The following GLT1D1 variants were observed in gnomAD, a reference collection of about 807,000 sequenced individuals.
The protein encoded by GLT1D1 is glycosyltransferase 1 domain containing 1.
A neutral mutation model predicts 28.7 loss-of-function variants in GLT1D1; 21 were observed. The ratio of observed to expected loss-of-function variants is 0.73; its 90% CI spans 0.52 to 1.05. GLT1D1 has a LOEUF of 1.05. GLT1D1 is among the 50% of genes least tolerant of loss of function. The probability of loss-of-function intolerance (pLI) is 0.00; values close to 1 mark genes in which losing one functional copy is unlikely to be tolerated. For missense variants in GLT1D1, 343 were observed against 330.6 expected (o/e 1.04, Z -0.29); for synonymous variants, 147 against 124.8 (o/e 1.18, Z -1.19).
chr12:128,979,140 G>A (rs1159355514), intron 7 of GLT1D1, among the ~76,000 whole-genome samples: 4 of 152,198 alleles, frequency 2.6e-5, no homozygotes, highest in East Asian at 1.9e-4. Flanking sequence ...TGGTTCAAAC[G>A]CCTCTGACAA....
chr12:128,961,561 A>G (rs1877946710), intron 7 of GLT1D1, among the ~76,000 whole-genome samples: 1 of 152,216 alleles, frequency 6.6e-6, no homozygotes, highest in South Asian at 2.1e-4. Context: ...ACGGTAGGCA[A>G]AGAACGATGA....
At chr12:128,914,846 A>G in intron 4 of GLT1D1, 87 bp from the exon 6 acceptor site, 2 of 893,286 alleles carry the variant, frequency 2.2e-6, no homozygotes, top group Non-Finnish European at 3.5e-6. Context: ...TAGTAATAAT[A>G]ATAATAAGCC....
At chr12:128,982,210 C>T (rs1880383100) in intron 7 of GLT1D1, among the ~76,000 whole-genome samples, 1 of 152,108 alleles carries the variant, frequency 6.6e-6, no homozygotes, top group Non-Finnish European at 1.5e-5. Context: ...CCCCTCCCTC[C>T]CTTCTTCATG....
At chr12:128,873,080 G>A (rs1181719681) in intron 1 of GLT1D1, among the ~76,000 whole-genome samples, 1 of 152,006 alleles carries the variant, frequency 6.6e-6, no homozygotes, top group Non-Finnish European at 1.5e-5. Context: ...ATTTTTTGTA[G>A]AGACAGAGTT....
chr12:128,947,239 A>T (rs896373669), intron 5 of GLT1D1, 99 bp from the exon 10 acceptor site: 1 of 1,370,408 alleles, frequency 7.3e-7, no homozygotes. Flanking sequence ...TTACTTGCTG[A>T]TCTAGAGTAT....
Position 128,983,213 on chromosome 12 carries a change from G to A in GLT1D1, c.*123G>A. On this transcript the variant is annotated 3_prime_UTR_variant, in exon 8 of 8. Transcript: ENST00000281703. The surrounding 1 kb of genome is among the most constrained non-coding windows in gnomAD (Gnocchi z 4.7). ...TAAAACCAGCCTCAGCGGAATCCTA[G>A]AAAATGTTAGTCGTGAGTCCCCAGA... The A allele has an allele frequency of 1.2e-6, 1 of 852,638 alleles. No homozygotes were observed. Among genetic ancestry groups the A allele is most frequent in the Non-Finnish European group, 1.8e-6 (1 of 542,484 alleles). 52.8% of individuals were successfully genotyped at this position (852,638 alleles called of 1,614,324 possible). A position where few individuals can be genotyped will look rare whatever the true frequency, so the allele number is the denominator to read the frequency against.
intron 4 of GLT1D1, among the ~76,000 whole-genome samples, chr12:128,922,838 G>A (rs909218948): frequency 2.7e-5 from 4 of 145,986 alleles, no homozygotes; most frequent in East Asian, 4.1e-4. Flanking sequence ...CAGGAGAATC[G>A]CTTGAACCCA....
chr12:128,861,048 C>T (rs1273389583), intron 1 of GLT1D1, among the ~76,000 whole-genome samples: 9 of 150,826 alleles, frequency 6.0e-5, no homozygotes, highest in South Asian at 2.1e-4. Context: ...ATATTCACGC[C>T]GAGAGTAAGT....
At chr12:128,866,084 T>C (rs1332136946) in intron 1 of GLT1D1, among the ~76,000 whole-genome samples, 1 of 150,936 alleles carries the variant, frequency 6.6e-6, no homozygotes, top group Non-Finnish European at 1.5e-5. Context: ...TTTTTTTTTT[T>C]TGAGACAGAG....
At chr12:128,971,231 G>C (rs1220466237) in intron 7 of GLT1D1, among the ~76,000 whole-genome samples, 1 of 152,140 alleles carries the variant, frequency 6.6e-6, no homozygotes, top group Admixed American at 6.5e-5. Flanking sequence ...ACTCCTGCCT[G>C]GGTGCTTAGA....
At chr12:128,875,357 T>A (rs1956846394) in intron 1 of GLT1D1, among the ~76,000 whole-genome samples, 2 of 152,216 alleles carry the variant, frequency 1.3e-5, no homozygotes, top group African/African-American at 4.8e-5. Flanking sequence ...TCCAATGGCC[T>A]CGGTTCCAGC....
intron 7 of GLT1D1, among the ~76,000 whole-genome samples, chr12:128,958,622 T>G (rs1170147941): frequency 7.0e-6 from 1 of 142,550 alleles, no homozygotes; most frequent in Non-Finnish European, 1.5e-5. Context: ...GAATGGTGCA[T>G]GCCTGTAATT....
rs1354130200 is a variant in GLT1D1 at position 128,877,623 on chromosome 12, C to T, written c.217+1561C>T. Among the ~76,000 whole-genome samples, 3 of 152,124 alleles carry T rather than the reference C, an allele frequency of 2.0e-5. No individual in the cohort carries two copies. The East Asian group carries it at 5.8e-4, about 29-fold the overall frequency. On this transcript the variant is annotated intron_variant, in intron 2 of 7. Coordinates refer to ENST00000281703, the MANE Select transcript of GLT1D1 (RefSeq NM_144669.3). Reference sequence around the variant, plus strand: ...ATAGTATGAAAAGTAAGCCTGTCTCCCACCTCTTATCCCCACTGTATTATT... The same window carrying T: ...ATAGTATGAAAAGTAAGCCTGTCTCTCACCTCTTATCCCCACTGTATTATT...
intron 7 of GLT1D1, among the ~76,000 whole-genome samples, chr12:128,973,394 T>C (rs892008371): frequency 6.8e-6 from 1 of 147,878 alleles, no homozygotes; most frequent in African/African-American, 2.5e-5. Context: ...GGTTTCACTG[T>C]GTTGGCCAGG....
At chr12:128,946,062 A>T (rs761024576) in intron 5 of GLT1D1, among the ~76,000 whole-genome samples, 13 of 152,134 alleles carry the variant, frequency 8.5e-5, no homozygotes, top group South Asian at 4.1e-4. Context: ...ACTGACAAAG[A>T]CTGTTTTTTC....
At chr12:128,966,701 T>A (rs1225632257) in intron 7 of GLT1D1, among the ~76,000 whole-genome samples, 2 of 152,212 alleles carry the variant, frequency 1.3e-5, no homozygotes. Context: ...GGGTGGCAGC[T>A]GTTGGCACAA....
chr12:128,957,508 G>T, intron 6 of GLT1D1, 37 bp from the exon 11 acceptor site: 1 of 1,431,746 alleles, frequency 7.0e-7, no homozygotes, highest in South Asian at 1.1e-5. Flanking sequence ...CTCTTGAAAT[G>T]ACTGCCTTCC....
At chr12:128,874,043 G>C (rs28575129) in intron 1 of GLT1D1, among the ~76,000 whole-genome samples, 5,280 of 25,188 alleles carry the variant, frequency 0.21, 531 homozygotes, top group Middle Eastern at 0.39. Context: ...CTCCCTCCCT[G>C]CCTCCCTCCC....
chr12:128,970,868 G>A (rs1878969171), intron 7 of GLT1D1, among the ~76,000 whole-genome samples: 1 of 152,212 alleles, frequency 6.6e-6, no homozygotes, highest in Non-Finnish European at 1.5e-5. Context: ...CCCGAGGGCA[G>A]CAGTCAGGCA....
Sources: allele counts gnomAD v4.1 joint callset (sites outside exome capture counted in the v4.1 genomes callset), GRCh38; gene constraint gnomAD v4.1.1; non-coding constraint Gnocchi (gnomAD v3.1); transcripts MANE v1.5; gene names NCBI Gene and HGNC (gene_info 2026-07-23, HGNC 2026-07-21).